CORO7: variants seen among roughly 807,000 people sequenced by gnomAD.
CORO7 encodes the protein coronin 7, also known as coronin-7.
Under a neutral mutation model 126.6 loss-of-function variants are expected in CORO7, and 107 were observed. The observed-to-expected ratio is 0.85, with a 90% CI of 0.72 to 0.99. CORO7 has a LOEUF of 0.99. Ranked by LOEUF, CORO7 falls within the 50% of genes least tolerant of loss-of-function variation. CORO7 has a pLI of 0.00. For synonymous variants in CORO7, 603 were observed against 536.8 expected, an observed-to-expected ratio of 1.12 and a Z score of -1.70; for missense variants, 1,314 against 1,255.8, an observed-to-expected ratio of 1.05 and a Z score of -0.70.
chr16:4,415,116 A>C (rs577240257), intron 1 of CORO7, among the ~76,000 whole-genome samples: 21 of 152,032 alleles, frequency 1.4e-4, no homozygotes, highest in Middle Eastern at 3.2e-3. Context: ...CAGTCCACCC[A>C]AAGTACTGGG....
At chr16:4,387,737 C>T in intron 9 of CORO7, 1 of 573,720 alleles carries the variant, frequency 1.7e-6, no homozygotes, top group Non-Finnish European at 3.1e-6. Flanking sequence ...AGCCATGAAA[C>T]CTCTGGTGAC....
At chr16:4,355,868 T>C (rs907310199) in intron 26 of CORO7, among the ~76,000 whole-genome samples, 1 of 151,248 alleles carries the variant, frequency 6.6e-6, no homozygotes, top group African/African-American at 2.4e-5. Flanking sequence ...GCCTTGACTT[T>C]CTGGGTGCAA....
intron 7 of CORO7, among the ~76,000 whole-genome samples, chr16:4,391,789 G>C (rs941778731): frequency 3.3e-5 from 5 of 152,204 alleles, no homozygotes; most frequent in Non-Finnish European, 7.4e-5. Flanking sequence ...TCCTGCATAG[G>C]GGGCAAGAAC....
intron 6 of CORO7, among the ~76,000 whole-genome samples, chr16:4,401,591 G>A (rs1364816232): frequency 6.6e-6 from 1 of 152,212 alleles, no homozygotes; most frequent in Non-Finnish European, 1.5e-5. Context: ...ACAGAGACCA[G>A]AGAGAGAACA....
chr16:4,413,231 C>A (rs952574376), intron 2 of CORO7, 77 bp downstream of exon 2: 5 of 1,431,810 alleles, frequency 3.5e-6, no homozygotes, highest in Admixed American at 2.1e-5. Context: ...ACCAAGCCTG[C>A]CCCTGCTCCC....
At chr16:4,385,309 C>T (rs1341769341) in intron 9 of CORO7, among the ~76,000 whole-genome samples, 1 of 152,136 alleles carries the variant, frequency 6.6e-6, no homozygotes, top group South Asian at 2.1e-4. Flanking sequence ...GGAGACAGGA[C>T]CCCAGCACCT....
intron 7 of CORO7, among the ~76,000 whole-genome samples, chr16:4,391,366 G>A (rs1220039929): frequency 6.6e-6 from 1 of 152,146 alleles, no homozygotes; most frequent in Admixed American, 6.5e-5. Flanking sequence ...GACCAGCCTG[G>A]CCAACATGGT....
chr16:4,403,567 GA>G (rs1186076209), intron 6 of CORO7, among the ~76,000 whole-genome samples: 6 of 152,140 alleles, frequency 3.9e-5, no homozygotes, highest in Non-Finnish European at 8.8e-5. Flanking sequence ...TTTAGCGGGG[GA>G]AAACACATCC....
intron 7 of CORO7, among the ~76,000 whole-genome samples, chr16:4,394,364 G>C (rs896720250): frequency 6.6e-6 from 1 of 151,612 alleles, no homozygotes; most frequent in African/African-American, 2.4e-5. Flanking sequence ...TGAGAGAATG[G>C]TGTGAACCCA....
chr16:4,401,251 C>T (rs59962646), intron 6 of CORO7, among the ~76,000 whole-genome samples: 2 of 152,300 alleles, frequency 1.3e-5, no homozygotes, highest in East Asian at 3.9e-4. Context: ...GAGAAAGGAA[C>T]TTGCTGGTGT....
intron 5 of CORO7, among the ~76,000 whole-genome samples, chr16:4,405,852 G>C (rs1240650751): frequency 6.6e-6 from 1 of 151,070 alleles, no homozygotes; most frequent in Non-Finnish European, 1.5e-5. Flanking sequence ...TTCCAACATA[G>C]CTCCCCACCA....
rs1282115525 is a variant in CORO7, at chr16:4,395,309, T to C, written c.595A>G (p.Thr199Ala). Residue 199 changes from threonine to alanine, a missense_variant, in exon 7 of 28, where the codon ACA (threonine) becomes GCA (alanine). Physicochemically the swap from Thr to Ala is moderately conservative, Grantham distance 58 (BLOSUM62 0). Transcript: ENST00000251166. ...DKQLRIFDPRTKPRASQSTQA... is the reference protein window; with the variant it reads ...DKQLRIFDPRAKPRASQSTQA... The stretch of plus-strand genomic sequence containing the variant: ...CTCACCTGAGAGGCCCGCGGCTTTG[T>C]TCTGGGGTCAAAGATCCGCAGCTGC... 6.2e-7 allele frequency: 1 copy of C among 1,613,916 alleles called. No homozygotes were observed. The highest frequency in any genetic ancestry group is 8.5e-7 in the Non-Finnish European group (1 of 1,180,014).
intron 6 of CORO7, among the ~76,000 whole-genome samples, chr16:4,403,014 G>C (rs2055868818): frequency 6.6e-6 from 1 of 152,142 alleles, no homozygotes; most frequent in Non-Finnish European, 1.5e-5. Context: ...CGCCAGGAAG[G>C]AGATGGGGCG....
rs1004746203 is a variant in CORO7, at chr16:4,386,279, G to A, written c.785+1707C>T. On this transcript the variant is annotated intron_variant, in intron 9 of 27. Transcript: ENST00000251166. ...AATTACAGGGTCAGCCTTGGCCAGT[G>A]GCACCGTGAGGTCTGGGCATCATTA... Among the ~76,000 whole-genome samples, 3 of 152,224 alleles carry A rather than the reference G, an allele frequency of 2.0e-5. No individual in the cohort carries two copies. In the South Asian group the frequency reaches 6.2e-4, roughly 32 times the overall value.
chr16:4,355,532 G>A (rs1033075743), intron 26 of CORO7, 160 bp from the exon 27 acceptor site: 10 of 732,490 alleles, frequency 1.4e-5, no homozygotes, highest in East Asian at 2.7e-5. Flanking sequence ...GCAGTGGCGC[G>A]ATCTCGGCTC....
At chr16:4,411,206 A>G (rs897171299) in intron 3 of CORO7, among the ~76,000 whole-genome samples, 8 of 152,222 alleles carry the variant, frequency 5.3e-5, no homozygotes, top group Non-Finnish European at 8.8e-5. Flanking sequence ...GCTGGGCAAC[A>G]TAACAAGACC....
intron 9 of CORO7, among the ~76,000 whole-genome samples, chr16:4,377,657 C>T (rs1389942541): frequency 2.0e-5 from 3 of 152,306 alleles, no homozygotes; most frequent in Admixed American, 6.5e-5. Context: ...GGGTTCCTCT[C>T]GGGGCTGGCT....
chr16:4,367,065 TC>T (rs1277844700), intron 9 of CORO7, among the ~76,000 whole-genome samples: 3 of 151,970 alleles, frequency 2.0e-5, no homozygotes, highest in Admixed American at 2.0e-4. Context: ...CCACCTCCCC[TC>T]CCCACACTTC....
intron 9 of CORO7, among the ~76,000 whole-genome samples, chr16:4,386,045 C>T (rs540197172): frequency 3.9e-4 from 60 of 152,324 alleles, no homozygotes; most frequent in Admixed American, 3.9e-4. Flanking sequence ...GCTTCCAGGA[C>T]GCCTGGGGGT....
Sources: allele counts gnomAD v4.1 joint callset (sites outside exome capture counted in the v4.1 genomes callset), GRCh38; gene constraint gnomAD v4.1.1; transcripts MANE v1.5; gene names NCBI Gene and HGNC (gene_info 2026-07-23, HGNC 2026-07-21).